The following ZFHX3 variants were observed in gnomAD, a reference collection of about 807,000 sequenced individuals.
ZFHX3 encodes zinc finger homeobox protein 3.
ZFHX3 carries 42 observed loss-of-function variants against 279.1 expected under a neutral mutation model. That is an observed-to-expected ratio of 0.15 (90% confidence interval 0.12 to 0.19). The LOEUF (loss-of-function observed/expected upper bound fraction) is 0.19, where lower values mean the gene tolerates loss of function less well. ZFHX3 is among the 10% of genes least tolerant of loss of function. The pLI, the probability that ZFHX3 is intolerant of heterozygous loss-of-function variation, is 1.00. For missense variants in ZFHX3, 4,981 were observed against 4,754.0 expected (o/e 1.05, Z -1.40); for synonymous variants, 2,293 against 1,957.8 (o/e 1.17, Z -4.52).
chr16:73,165,353 G>A (rs1381677623), intron 5 of ZFHX3, among the ~76,000 whole-genome samples: 2 of 152,150 alleles, frequency 1.3e-5, no homozygotes, highest in East Asian at 3.8e-4. Context: ...GGTCTTGTAC[G>A]ATTATGCTCA....
intron 2 of ZFHX3, among the ~76,000 whole-genome samples, chr16:73,669,503 A>G (rs556823445): frequency 4.5e-4 from 69 of 152,370 alleles, no homozygotes; most frequent in Non-Finnish European, 8.2e-4. Context: ...GACTCAGGGA[A>G]GCTTGTAAGT....
At chr16:72,974,474 C>T (rs1051663077) in intron 1 of ZFHX3, among the ~76,000 whole-genome samples, 6 of 152,226 alleles carry the variant, frequency 3.9e-5, no homozygotes, top group Non-Finnish European at 7.4e-5. Flanking sequence ...ACTCGGTGGG[C>T]TCACCATCGG....
chr16:73,305,842 G>A (rs760620150), intron 4 of ZFHX3, among the ~76,000 whole-genome samples: 36 of 152,206 alleles, frequency 2.4e-4, no homozygotes, highest in Non-Finnish European at 4.1e-4. Context: ...CCTCTTTGGA[G>A]AGGGTACAGT....
Position 72,793,529 on chromosome 16 carries a change from T to G in ZFHX3, c.9153A>C (p.Lys3051Asn), listed in dbSNP as rs2035787139. Residue 3051 changes from lysine (K) to asparagine (N), a missense_variant, in exon 9 of 10, where the codon AAA becomes AAC. Physicochemically the swap from Lys to Asn is moderately conservative, Grantham distance 94 (BLOSUM62 0). This residue lies in a region of ZFHX3 where 168 missense variants were observed against 249.1 expected (regional missense o/e 0.67). Transcript: ENST00000268489. This position sits in a 1 kb window ranked among gnomAD's most constrained non-coding sequence, Gnocchi z 4.3. ...GCTGGCTTCCAATGGTGTCTTTAAC[T>G]TTGGAGATATGCTGTTGGGAAAAGA... ...DHIFSQQHIS[K>N]VKDTIGSQLD... The G allele has an allele frequency of 6.2e-7, 1 of 1,614,202 alleles. No individual in the cohort carries two copies. Among genetic ancestry groups the G allele is most frequent in the Non-Finnish European group, 8.5e-7 (1 of 1,180,040 alleles).
At chr16:72,914,642 C>T (rs571516180) in intron 3 of ZFHX3, among the ~76,000 whole-genome samples, 61 of 151,908 alleles carry the variant, frequency 4.0e-4, no homozygotes, top group Non-Finnish European at 6.3e-4. Context: ...TCTAGAGAAA[C>T]AAGAAAGGAA....
At chr16:73,601,466 T>C (rs1468311814) in intron 2 of ZFHX3, among the ~76,000 whole-genome samples, 1 of 72,768 alleles carries the variant, frequency 1.4e-5, no homozygotes, top group Non-Finnish European at 4.0e-5. Context: ...TGAGACTCCA[T>C]CTCAAAAAAA....
chr16:72,878,423 C>T (rs1456878690), intron 4 of ZFHX3, among the ~76,000 whole-genome samples: 1 of 152,208 alleles, frequency 6.6e-6, no homozygotes, highest in East Asian at 1.9e-4. Flanking sequence ...CAGGGCTGCC[C>T]TCCCCATGCT....
In ZFHX3 at chr16:72,796,871, A is replaced by G. The variant is rs765977967; in HGVS notation, c.5811T>C (p.Ala1937=). 1.2e-6 allele frequency: 2 copies of G among 1,613,574 alleles called. No homozygotes were observed. Among genetic ancestry groups the G allele is most frequent in the Non-Finnish European group, 8.5e-7 (1 of 1,179,914 alleles). Residue 1937 remains alanine, a synonymous_variant, in exon 9 of 10, where the codon GCT becomes GCC. Transcript: ENST00000268489. ...TGGTGGCGTTCCCTCTGGCATCTGA[A>G]GCAATGCGTGGAGGGAGCATGGAAG... ...SEPSMLPPRI[A]SDARGNATKA...
chr16:73,242,429 T>G (rs548770054), intron 5 of ZFHX3, among the ~76,000 whole-genome samples: 1 of 152,318 alleles, frequency 6.6e-6, no homozygotes, highest in South Asian at 2.1e-4. Context: ...GACTTGGTGC[T>G]ACATCAGCCA....
At chr16:73,665,197 C>G (rs1017383144) in intron 2 of ZFHX3, among the ~76,000 whole-genome samples, 5 of 145,340 alleles carry the variant, frequency 3.4e-5, no homozygotes, top group African/African-American at 1.0e-4. Context: ...GATGATCTTT[C>G]TGATCATCAT....
At chr16:73,075,773 A>G (rs934812912) in intron 8 of ZFHX3, among the ~76,000 whole-genome samples, 10 of 151,966 alleles carry the variant, frequency 6.6e-5, no homozygotes, top group Admixed American at 3.3e-4. Flanking sequence ...AACTGGGACT[A>G]CAGGTGCATG....
At chr16:72,949,923 T>A (rs1488272429) in intron 3 of ZFHX3, among the ~76,000 whole-genome samples, 1 of 146,024 alleles carries the variant, frequency 6.8e-6, no homozygotes, top group Admixed American at 6.8e-5. Context: ...TTTTTTTTTT[T>A]TTTTTTGGTC....
At position 72,796,036 on chromosome 16, in the gene ZFHX3, T is replaced by C. The variant is rs748630143; in HGVS notation, c.6646A>G (p.Ile2216Val). The C allele has an allele frequency of 3.0e-5, 48 of 1,614,138 alleles. No homozygotes were observed. In the East Asian group the frequency reaches 7.4e-4, roughly 25 times the overall value. Residue 2216 changes from isoleucine to valine, a missense_variant, in exon 9 of 10, where the codon ATC becomes GTC. This residue lies in a region of ZFHX3 where 177 missense variants were observed against 244.2 expected (regional missense o/e 0.72). Coordinates refer to ENST00000268489, the MANE Select transcript of ZFHX3 (RefSeq NM_006885.4). ...ATCTTGAGCTCCTCCAGGCTGGTGA[T>C]AGGAGGATTACTGAAGTTGTAAGGG... ...DSPYNFSNPP[I>V]TSLEELKIDS...
chr16:73,503,721 A>C (rs145041108), intron 2 of ZFHX3, among the ~76,000 whole-genome samples: 8 of 152,316 alleles, frequency 5.3e-5, no homozygotes, highest in Admixed American at 3.9e-4. Context: ...TCGTCAGAGA[A>C]ACGTGGGGGA....
At chr16:73,233,189 A>G (rs1238389248) in intron 5 of ZFHX3, 3 of 151,276 alleles carry the variant, frequency 2.0e-5, no homozygotes, top group Non-Finnish European at 4.4e-5. Flanking sequence ...GGAAGCTCCG[A>G]CGGGAATTGC....
At chr16:72,813,215 T>C (rs1399847046) in intron 5 of ZFHX3, among the ~76,000 whole-genome samples, 1 of 152,192 alleles carries the variant, frequency 6.6e-6, no homozygotes, top group Non-Finnish European at 1.5e-5. Flanking sequence ...TGAGAAAATA[T>C]ATATACCCAC....
At chr16:73,713,300 A>G (rs1597077846) in intron 1 of ZFHX3, among the ~76,000 whole-genome samples, 1 of 152,148 alleles carries the variant, frequency 6.6e-6, no homozygotes, top group Non-Finnish European at 1.5e-5. Context: ...TAAACTATTT[A>G]ATTATGCCTT....
chr16:72,946,797 G>A (rs1403824411), intron 3 of ZFHX3, among the ~76,000 whole-genome samples: 1 of 152,190 alleles, frequency 6.6e-6, no homozygotes, highest in African/African-American at 2.4e-5. Flanking sequence ...CTCTACGGGT[G>A]GAGAAGATTG....
chr16:73,390,929 CATTATTTCTGACATTAAAGGCCCGAG>C (rs1329556448), intron 3 of ZFHX3, among the ~76,000 whole-genome samples: 1 of 151,906 alleles, frequency 6.6e-6, no homozygotes, highest in East Asian at 1.9e-4. Context: ...TTAACGCCAT[CATTATTTCTGACATTAAAGGCCCGAG>C]AATAGTGTCA....
Sources: gnomAD v4.1 joint callset for allele counts (sites outside exome capture counted in the v4.1 genomes callset) on GRCh38, gnomAD v4.1.1 for gene constraint, gnomAD v4.1.1 regional missense constraint, Gnocchi (gnomAD v3.1) non-coding constraint, MANE v1.5 for transcripts, NCBI Gene and HGNC (gene_info 2026-07-23, HGNC 2026-07-21) for gene names.